Variants in DCUN1D4 observed in about 807,000 individuals in gnomAD.
The protein encoded by DCUN1D4 is DCN1-like protein 4.
Under a neutral mutation model 47.9 loss-of-function variants are expected in DCUN1D4, and 22 were observed. The ratio of observed to expected loss-of-function variants is 0.46; its 90% CI spans 0.33 to 0.66. DCUN1D4 has a LOEUF of 0.66. Ranked by LOEUF, DCUN1D4 falls within the 30% of genes least tolerant of loss-of-function variation. The probability of loss-of-function intolerance (pLI) is 0.02; values close to 1 mark genes in which losing one functional copy is unlikely to be tolerated. For synonymous variants in DCUN1D4, 121 were observed against 112.2 expected, an observed-to-expected ratio of 1.08 and a Z score of -0.50; for missense variants, 301 against 340.8, an observed-to-expected ratio of 0.88 and a Z score of 0.92.
chr4:51,874,767 A>G (rs1727423489), intron 4 of DCUN1D4: 1 of 162,018 alleles, frequency 6.2e-6, no homozygotes, highest in South Asian at 1.7e-4. Flanking sequence ...ATCTTCCTGT[A>G]CTTAATGGTC....
chr4:51,844,441 G>T, intron 1 of DCUN1D4: 14 of 980,240 alleles, frequency 1.4e-5, no homozygotes, highest in Non-Finnish European at 1.7e-5. Context: ...CTAGGAGGCG[G>T]GGCAGGGGTG....
At chr4:51,837,201 T>C in the DCUN1D4 span, among the ~76,000 whole-genome samples, 1 of 152,316 alleles carries the variant, frequency 6.6e-6, no homozygotes, top group Middle Eastern at 3.4e-3. Context: ...CATGTGGTAA[T>C]GAATGAATAC....
chr4:51,905,973 T>C (rs1236821033), intron 8 of DCUN1D4, among the ~76,000 whole-genome samples: 1 of 151,880 alleles, frequency 6.6e-6, no homozygotes, highest in Non-Finnish European at 1.5e-5. Context: ...GAGAAACTGC[T>C]AGAGAGGGAG....
At chr4:51,900,994 T>G (rs1006185162) in intron 8 of DCUN1D4, among the ~76,000 whole-genome samples, 2 of 152,118 alleles carry the variant, frequency 1.3e-5, no homozygotes, top group Non-Finnish European at 2.9e-5. Flanking sequence ...ATCTCATGAG[T>G]GCTCTTTGGC....
chr4:51,854,505 A>G lies in DCUN1D4; in HGVS notation c.26-8932A>G, dbSNP rs17657391. Among the ~76,000 whole-genome samples the G allele has an allele frequency of 6.6e-3, 1,000 of 152,350 alleles. 12 individuals are homozygous for G. The highest frequency in any genetic ancestry group is 0.055 in the East Asian group (284 of 5,182). On this transcript the variant is annotated intron_variant, in intron 1 of 10. Transcript: ENST00000334635. ...GATACTAAGCAAAACTAATAGCAGC[A>G]TTTGAAGCATGCTCAAGTCCTGCCA...
chr4:51,860,657 AGAAAGG>A, intron 1 of DCUN1D4: 2 of 455,060 alleles, frequency 4.4e-6, no homozygotes, highest in South Asian at 1.6e-5. Context: ...AGCGAGAGAG[AGAAAGG>A]GTGAGAGGAG....
At chr4:51,869,757 C>T (rs1726578329) in intron 3 of DCUN1D4, among the ~76,000 whole-genome samples, 3 of 152,076 alleles carry the variant, frequency 2.0e-5, no homozygotes, top group Admixed American at 2.0e-4. Flanking sequence ...TTAAAATGGA[C>T]TTTCTGTCAT....
intron 3 of DCUN1D4, among the ~76,000 whole-genome samples, chr4:51,871,130 A>C (rs1726824038): frequency 1.7e-5 from 2 of 119,028 alleles, no homozygotes; most frequent in African/African-American, 5.1e-5. Context: ...GAGTGGAGAG[A>C]TTAAAAAAAA....
At position 51,843,162 on chromosome 4, in the gene DCUN1D4, C is replaced by T. The variant is rs1721856213; in HGVS notation, c.-81C>T. 3 of 1,524,198 alleles carry T rather than the reference C, an allele frequency of 2.0e-6. No homozygotes were observed. Among genetic ancestry groups the T allele is most frequent in the South Asian group, 1.2e-5 (1 of 81,566 alleles). The allele number at this position is 1,524,198 out of a possible 1,614,324, so 94.4% of individuals were successfully genotyped here. ...CCGGCGGCGGGTCCTCAGCTTCGAG[C>T]CGAGGTGCAGTGAGCTGGTGGGGGG... On this transcript the variant is annotated 5_prime_UTR_variant, in exon 1 of 11. Coordinates refer to ENST00000334635, the MANE Select transcript of DCUN1D4 (RefSeq NM_001040402.3).
chr4:51,844,404 G>T, intron 1 of DCUN1D4: 1 of 984,890 alleles, frequency 1.0e-6, no homozygotes, highest in Non-Finnish European at 1.2e-6. Context: ...AGCGAGGTCA[G>T]CGCTGGCGCG....
intron 8 of DCUN1D4, chr4:51,910,835 C>T (rs1241806842): frequency 1.9e-6 from 1 of 537,922 alleles, no homozygotes; most frequent in Non-Finnish European, 3.3e-6. Context: ...TTAGGGTGAT[C>T]ATTCAGTTGA....
intron 8 of DCUN1D4, among the ~76,000 whole-genome samples, chr4:51,908,606 A>T (rs903607167): frequency 3.1e-4 from 46 of 149,742 alleles, no homozygotes; most frequent in Non-Finnish European, 5.7e-4. Flanking sequence ...TTTTTTTTTT[A>T]AATGCCTATA....
At chr4:51,837,969 G>T in the DCUN1D4 span, among the ~76,000 whole-genome samples, 1 of 152,122 alleles carries the variant, frequency 6.6e-6, no homozygotes, top group African/African-American at 2.4e-5. Context: ...CTTGAAGTCA[G>T]GAGTTAGAGA....
chr4:51,838,346 T>C (rs972208445), upstream of DCUN1D4, among the ~76,000 whole-genome samples: 16 of 152,158 alleles, frequency 1.1e-4, no homozygotes, highest in African/African-American at 3.6e-4. Flanking sequence ...AGTGGCTAGA[T>C]GTTCATCCCT....
chr4:51,855,487 ATC>A (rs1044242699), intron 1 of DCUN1D4, among the ~76,000 whole-genome samples: 78 of 152,236 alleles, frequency 5.1e-4, no homozygotes, highest in Admixed American at 5.0e-3. Flanking sequence ...TAGATGAGAC[ATC>A]TCTGATGAGG....
chr4:51,868,793 G>A (rs528740722), intron 3 of DCUN1D4, among the ~76,000 whole-genome samples: 1 of 152,232 alleles, frequency 6.6e-6, no homozygotes, highest in African/African-American at 2.4e-5. Context: ...GGCTAATCTT[G>A]GAGAAATAGC....
chr4:51,845,849 G>A (rs1384901220), intron 1 of DCUN1D4, among the ~76,000 whole-genome samples: 1 of 152,082 alleles, frequency 6.6e-6, no homozygotes, highest in African/African-American at 2.4e-5. Context: ...TGAAAAATTG[G>A]GCAATGTGTG....
In DCUN1D4 at chr4:51,890,301, A is replaced by G. The variant is rs189490015; in HGVS notation, c.415-1459A>G. 2.6e-5 allele frequency among the ~76,000 whole-genome samples: 4 copies of G among 152,242 alleles called. No individual in the cohort carries two copies. The East Asian group carries it at 7.7e-4, about 29-fold the overall frequency. On this transcript the variant is annotated intron_variant, in intron 6 of 10. Transcript: ENST00000334635. ...TTATGTCATCTTAGTTCCTTTCACC[A>G]TAGCCGCCATCTGACCCAGTTGGGC... is the stretch of plus-strand genomic sequence containing the variant.
chr4:51,876,366 A>G (rs951725904), intron 4 of DCUN1D4, among the ~76,000 whole-genome samples: 6 of 150,936 alleles, frequency 4.0e-5, no homozygotes, highest in African/African-American at 1.2e-4. Flanking sequence ...GAATTGAACA[A>G]TGAGAACACA....
Sources: gnomAD v4.1 joint callset for allele counts (sites outside exome capture counted in the v4.1 genomes callset) on GRCh38, gnomAD v4.1.1 for gene constraint, MANE v1.5 for transcripts, NCBI Gene and HGNC (gene_info 2026-07-23, HGNC 2026-07-21) for gene names.